Variants in FAM187B observed in about 807,000 individuals in gnomAD.
The protein encoded by FAM187B is family with sequence similarity 187 member B.
Under a neutral mutation model 22.6 loss-of-function variants are expected in FAM187B, and 22 were observed. The observed-to-expected ratio is 0.97, with a 90% confidence interval of 0.70 to 1.39. FAM187B has a LOEUF of 1.39. Among genes scored for constraint, FAM187B ranks in the 40% most tolerant of loss-of-function variants. FAM187B has a pLI of 0.00. For synonymous variants in FAM187B, 192 were observed against 201.8 expected (o/e 0.95, Z 0.41); for missense variants, 433 against 462.1 (o/e 0.94, Z 0.58).
At chr19:35,225,865 G>C (rs1032502577) in intron 1 of FAM187B, among the ~76,000 whole-genome samples, 1 of 152,096 alleles carries the variant, frequency 6.6e-6, no homozygotes, top group Non-Finnish European at 1.5e-5. Flanking sequence ...TACCTCATAA[G>C]GTTATTTGGA....
At chr19:35,226,722 T>C (rs1302825578) in intron 1 of FAM187B, among the ~76,000 whole-genome samples, 1 of 152,190 alleles carries the variant, frequency 6.6e-6, no homozygotes, top group African/African-American at 2.4e-5. Context: ...AACTTCTTAT[T>C]GGATGCTATG....
At chr19:35,226,487 TA>T (rs1364366656) in intron 1 of FAM187B, among the ~76,000 whole-genome samples, 4 of 152,204 alleles carry the variant, frequency 2.6e-5, no homozygotes, top group Admixed American at 2.0e-4. Context: ...ATAATAATAA[TA>T]AAACTATATA....
At position 35,225,064 on chromosome 19, in the gene FAM187B, C is replaced by T. The variant is rs975810587; in HGVS notation, c.871G>A (p.Glu291Lys). 19 of 1,612,708 alleles carry T rather than the reference C, an allele frequency of 1.2e-5. No individual in the cohort carries two copies. The highest frequency in any genetic ancestry group is 1.6e-5 in the Non-Finnish European group (19 of 1,179,352). Residue 291 changes from glutamate (E) to lysine (K), a missense_variant, in exon 2 of 2, where the codon GAG becomes AAG. By Grantham distance (56) the Glu-to-Lys change is moderately conservative. Coordinates refer to ENST00000324675, the MANE Select transcript of FAM187B (RefSeq NM_152481.2). ...PAVYKCFVQQ[E>K]LVAQFKPAAS... ...GCGGGTTTGAACTGGGCCACGAGCTCCTGCTGCACGAAGCACTTGTAGACG... is the reference window on the plus strand; with the variant it reads ...GCGGGTTTGAACTGGGCCACGAGCTTCTGCTGCACGAAGCACTTGTAGACG...
chr19:35,227,132 A>T (rs1320881540), intron 1 of FAM187B, among the ~76,000 whole-genome samples: 1 of 152,148 alleles, frequency 6.6e-6, no homozygotes, highest in Non-Finnish European at 1.5e-5. Context: ...ACTCAGAGGG[A>T]CTGAGAGGGA....
chr19:35,228,334 A>G lies in FAM187B; in HGVS notation c.347T>C (p.Leu116Pro). 1 of 1,614,004 alleles carries G rather than the reference A, an allele frequency of 6.2e-7. No homozygotes were observed. Among genetic ancestry groups the G allele is most frequent in the Non-Finnish European group, 8.5e-7 (1 of 1,180,044 alleles). The change falls in exon 1 of 2, where the codon CTG (leucine) becomes CCG (proline). Residue 116 changes from leucine to proline, a missense_variant. Leu to Pro is a moderately conservative substitution (Grantham distance 98). Transcript: ENST00000324675. ...ACCCAGGTCCTTGTGTGTTATATGC[A>G]GGGTGGTGACATCCTGAAAGTCAAT... is the stretch of plus-strand genomic sequence containing the variant. The part of the protein sequence containing the change: ...YEIDFQDVTT[L>P]HITHKDLGQR...
chr19:35,228,192 CA>C lies in FAM187B; in HGVS notation c.488del (p.Leu163ArgfsTer49). 6.2e-7 allele frequency: 1 copy of C among 1,614,154 alleles called. No homozygotes were observed. The highest frequency in any genetic ancestry group is 2.2e-5 in the East Asian group (1 of 44,880). ...RCEEPGECKR[L>X]GYRYIEEPLE... The stretch of plus-strand genomic sequence containing the variant: ...GAGGCTCCTCAATGTAGCGGTACCC[CA>C]GGCGTTTACACTCGCCCGGCTCCTC... On this transcript the variant is annotated frameshift_variant, in exon 1 of 2. Coordinates refer to ENST00000324675, the MANE Select transcript of FAM187B (RefSeq NM_152481.2). LOFTEE classifies it high-confidence loss of function.
Position 35,228,298 on chromosome 19 carries a change from AG to A in FAM187B, c.382del (p.Leu128CysfsTer84), listed in dbSNP as rs2065668250. The A allele has an allele frequency of 6.2e-7, 1 of 1,614,106 alleles. No homozygotes were observed. Among genetic ancestry groups the A allele is most frequent in the African/African-American group, 1.3e-5 (1 of 74,938 alleles). On this transcript the variant is annotated frameshift_variant, in exon 1 of 2. Coordinates refer to ENST00000324675, the MANE Select transcript of FAM187B (RefSeq NM_152481.2). LOFTEE classifies it high-confidence loss of function. Reference sequence around the variant, plus strand: ...GCCCAAATGCAGGGTCTCGTTCTGCAGGGGCCTCTGACCCAGGTCCTTGTGT... The same window carrying A: ...GCCCAAATGCAGGGTCTCGTTCTGCAGGGCCTCTGACCCAGGTCCTTGTGT... The part of the protein sequence containing the change: ...ITHKDLGQRP[L>X]QNETLHLGSK...
Position 35,228,137 on chromosome 19 carries a change from G to A in FAM187B, c.544C>T (p.Leu182=). The A allele has an allele frequency of 1.2e-6, 2 of 1,614,240 alleles. No individual in the cohort carries two copies. Among genetic ancestry groups the A allele is most frequent in the Non-Finnish European group, 1.7e-6 (2 of 1,180,036 alleles). ...LEEAMPCWLY[L]GEVLVWSSRL... ...CTAGACCACACCAGCACCTCTCCCAGATAGAGCCAGCAGGGCATGGCTTCC... is the reference window on the plus strand; with the variant it reads ...CTAGACCACACCAGCACCTCTCCCAAATAGAGCCAGCAGGGCATGGCTTCC... Residue 182 remains leucine, a synonymous_variant, in exon 1 of 2, where the codon CTG becomes TTG. Coordinates refer to ENST00000324675, the MANE Select transcript of FAM187B (RefSeq NM_152481.2).
rs116336357 is a variant in FAM187B, at chr19:35,227,892, A to G, written c.722+67T>C. ...AGAACGCCCACTCATCCCTCTGCAC[A>G]TATTACCAGGAAGGATCCCCTGACC... On this transcript the variant is annotated intron_variant, in intron 1 of 1. Coordinates refer to ENST00000324675, the MANE Select transcript of FAM187B (RefSeq NM_152481.2). 7,792 of 1,552,700 alleles carry G rather than the reference A, an allele frequency of 5.0e-3. 336 individuals carry two copies. In the African/African-American group the frequency reaches 0.093, roughly 18 times the overall value.
Position 35,228,094 on chromosome 19 carries a change from A to T in FAM187B, c.587T>A (p.Leu196Gln). 1 of 1,614,258 alleles carries T rather than the reference A, an allele frequency of 6.2e-7. No homozygotes were observed. The highest frequency in any genetic ancestry group is 1.1e-5 in the South Asian group (1 of 91,090). ...CTGGACGTGGCAGGCTTCCACCTGC[A>T]GCTCAGGCCGCAAGCGGCTAGACCA... is the stretch of plus-strand genomic sequence containing the variant. ...LVWSSRLRPE[L>Q]QVEACHVQCT... is the part of the protein sequence containing the mutation. Residue 196 changes from leucine (L) to glutamine (Q), a missense_variant, in exon 1 of 2, where the codon CTG becomes CAG. Physicochemically the swap from Leu to Gln is moderately radical, Grantham distance 113. Coordinates refer to ENST00000324675, the MANE Select transcript of FAM187B (RefSeq NM_152481.2).
chr19:35,227,825 G>T, intron 1 of FAM187B, 134 bp downstream of exon 1: 1 of 1,341,460 alleles, frequency 7.5e-7, no homozygotes, highest in Non-Finnish European at 1.0e-6. Context: ...TAAGAGCAGG[G>T]CCTGGCACTG....
chr19:35,228,380 G>C lies in FAM187B; in HGVS notation c.301C>G (p.Arg101Gly). Residue 101 changes from arginine (R) to glycine (G), a missense_variant, in exon 1 of 2, where the codon CGC (arginine) becomes GGC (glycine). By Grantham distance (125) the Arg-to-Gly change is moderately radical (BLOSUM62 -2). Transcript: ENST00000324675. The part of the protein sequence containing the change: ...GLYHCWNKNG[R>G]QVVQYEIDFQ... ...TCAATTTCATACTGCACCACTTGGC[G>C]GCCATTCTTGTTCCAGCAGTGGTAG... is the stretch of plus-strand genomic sequence containing the variant. 1 of 1,614,186 alleles carries C rather than the reference G, an allele frequency of 6.2e-7. No homozygotes were observed. Among genetic ancestry groups the C allele is most frequent in the Non-Finnish European group, 8.5e-7 (1 of 1,180,032 alleles).
chr19:35,227,481 A>G (rs1289415888), intron 1 of FAM187B, among the ~76,000 whole-genome samples: 4 of 152,110 alleles, frequency 2.6e-5, no homozygotes, highest in Admixed American at 1.3e-4. Context: ...CGGCCTCCCA[A>G]AGTGCTGGGA....
intron 1 of FAM187B, 108 bp from the exon 2 acceptor site, chr19:35,225,320 C>T: frequency 1.5e-6 from 2 of 1,330,472 alleles, no homozygotes; most frequent in South Asian, 1.6e-5. Flanking sequence ...TCGCCACCCC[C>T]CACGGAGCAC....
Position 35,228,606 on chromosome 19 carries a change from G to A in FAM187B, c.75C>T (p.Pro25=), listed in dbSNP as rs778982677. The change falls in exon 1 of 2, where the codon CCC becomes CCT. Residue 25 remains proline (P), a synonymous_variant. Coordinates refer to ENST00000324675, the MANE Select transcript of FAM187B (RefSeq NM_152481.2). Reference sequence around the variant, plus strand: ...GGGCCTGTTGGCACTGCTTACCACTGGGGCAGCTGATGGAAAAGTAGAACC... The same window carrying A: ...GGGCCTGTTGGCACTGCTTACCACTAGGGCAGCTGATGGAAAAGTAGAACC... ...ALGFYFSISC[P]SGKQCQQALL... 2.5e-6 allele frequency: 4 copies of A among 1,613,920 alleles called. No individual in the cohort carries two copies.
In FAM187B at chr19:35,228,316, T is replaced by A; in HGVS notation, c.365A>T (p.Asp122Val). 1 of 1,614,144 alleles carries A rather than the reference T, an allele frequency of 6.2e-7. No homozygotes were observed. The highest frequency in any genetic ancestry group is 8.5e-7 in the Non-Finnish European group (1 of 1,180,036). ...DVTTLHITHK[D>V]LGQRPLQNET... is the part of the protein sequence containing the mutation. ...GTTCTGCAGGGGCCTCTGACCCAGG[T>A]CCTTGTGTGTTATATGCAGGGTGGT... The change falls in exon 1 of 2, where the codon GAC (aspartate) becomes GTC (valine). Residue 122 changes from aspartate to valine, a missense_variant. Physicochemically the swap from Asp to Val is radical, Grantham distance 152 (BLOSUM62 -3). Transcript: ENST00000324675.
At chr19:35,225,261 C>T (rs746431114) in intron 1 of FAM187B, 49 bp from the exon 2 acceptor site, 22 of 1,442,868 alleles carry the variant, frequency 1.5e-5, no homozygotes, top group African/African-American at 4.3e-5. Flanking sequence ...AAGGAGGGAC[C>T]GACGTCTCCC....
In FAM187B at chr19:35,228,203, A is replaced by G. The variant is rs565791; in HGVS notation, c.478T>C (p.Cys160Arg). 1,117,606 of 1,613,850 alleles carry G rather than the reference A, an allele frequency of 0.69. 397,269 individuals are homozygous for G. The highest frequency in any genetic ancestry group is 0.74 in the Middle Eastern group (4,488 of 6,062). Reference protein sequence around the residue: ...DCNRCEEPGECKRLGYRYIEE... With the variant: ...DCNRCEEPGERKRLGYRYIEE... ...ATGTAGCGGTACCCCAGGCGTTTAC[A>G]CTCGCCCGGCTCCTCACAGCGGTTG... The change falls in exon 1 of 2, where the codon TGT becomes CGT. Residue 160 changes from cysteine to arginine, a missense_variant. By Grantham distance (180) the Cys-to-Arg change is radical. Coordinates refer to ENST00000324675, the MANE Select transcript of FAM187B (RefSeq NM_152481.2).
Position 35,225,046 on chromosome 19 carries a change from T to A in FAM187B, c.889A>T (p.Lys297Ter). Reference protein sequence around the residue: ...FVQQELVAQFKPAASLETLEA... With the variant: ...FVQQELVAQF Reference sequence around the variant, plus strand: ...AGCGTCTCCAGACTGGCGGCGGGTTTGAACTGGGCCACGAGCTCCTGCTGC... The same window carrying A: ...AGCGTCTCCAGACTGGCGGCGGGTTAGAACTGGGCCACGAGCTCCTGCTGC... The change falls in exon 2 of 2, where the codon AAA becomes TAA. Residue 297 changes from lysine to a stop codon, truncating the protein, a stop_gained. Coordinates refer to ENST00000324675, the MANE Select transcript of FAM187B (RefSeq NM_152481.2). LOFTEE classifies it low-confidence loss of function (END_TRUNC). 6.2e-7 allele frequency: 1 copy of A among 1,613,220 alleles called. No homozygotes were observed. The highest frequency in any genetic ancestry group is 1.1e-5 in the South Asian group (1 of 91,036).
Sources: allele counts gnomAD v4.1 joint callset (sites outside exome capture counted in the v4.1 genomes callset), GRCh38; gene constraint gnomAD v4.1.1; transcripts MANE v1.5; gene names NCBI Gene and HGNC (gene_info 2026-07-23, HGNC 2026-07-21).